FXR1: variants seen among roughly 807,000 people sequenced by gnomAD.
FXR1 encodes the protein FMR1 autosomal homolog 1.
A neutral mutation model predicts 84.0 loss-of-function variants in FXR1; 15 were observed. The ratio of observed to expected loss-of-function variants is 0.18; its 90% confidence interval spans 0.12 to 0.27. The LOEUF (loss-of-function observed/expected upper bound fraction) is 0.27. FXR1 is among the 10% of genes least tolerant of loss of function. FXR1 has a pLI of 1.00. For missense variants in FXR1, 480 were observed against 774.4 expected, an observed-to-expected ratio of 0.62 and a Z score of 4.51; for synonymous variants, 245 against 250.7, an observed-to-expected ratio of 0.98 and a Z score of 0.21.
intron 9 of FXR1, chr3:180,957,572 T>C (rs1239392637): frequency 2.9e-6 from 1 of 343,430 alleles, no homozygotes; most frequent in African/African-American, 2.1e-5. Context: ...TTTTGAGAAT[T>C]CCTTACATGT....
intron 10 of FXR1, 103 bp from the exon 11 acceptor site, chr3:180,961,365 A>G: frequency 3.7e-6 from 1 of 268,986 alleles, no homozygotes; most frequent in South Asian, 7.5e-5. Flanking sequence ...AAAAAAAAAA[A>G]AAGGTGTGTG....
intron 8 of FXR1, 83 bp from the exon 9 acceptor site, chr3:180,953,679 C>G (rs1018469872): frequency 2.9e-6 from 2 of 699,276 alleles, no homozygotes; most frequent in Non-Finnish European, 5.0e-6. Flanking sequence ...AGAATTTTCT[C>G]TTTTCTCATC....
chr3:180,961,707 T>G lies in FXR1; in HGVS notation c.1077+153T>G, dbSNP rs1385744187. Among the ~76,000 whole-genome samples the G allele has an allele frequency of 1.3e-5, 2 of 152,220 alleles. 1 individual carries two copies. Among genetic ancestry groups the G allele is most frequent in the Non-Finnish European group, 2.9e-5 (2 of 68,032 alleles). On this transcript the variant is annotated intron_variant, in intron 11 of 16. Transcript: ENST00000357559. ...TTAAATATTTTTTGTTAATTCAGCTTCAGATTTGCCATTGTTCTACATGAG... is the reference window on the plus strand; with the variant it reads ...TTAAATATTTTTTGTTAATTCAGCTGCAGATTTGCCATTGTTCTACATGAG...
intron 1 of FXR1, among the ~76,000 whole-genome samples, chr3:180,921,838 T>C (rs1481130671): frequency 6.6e-6 from 1 of 152,184 alleles, no homozygotes; most frequent in Non-Finnish European, 1.5e-5. Context: ...TATTTTTTTT[T>C]CCCCTGGTTG....
At chr3:180,947,974 A>C (rs748070428) in intron 4 of FXR1, 38 bp downstream of exon 4, 99 of 1,191,844 alleles carry the variant, frequency 8.3e-5, no homozygotes, top group Non-Finnish European at 1.2e-4. Flanking sequence ...ACTAGTTTCT[A>C]AGGAAGTACC....
chr3:180,941,060 G>A (rs1805592), intron 3 of FXR1, among the ~76,000 whole-genome samples: 2,255 of 151,976 alleles, frequency 0.015, 22 homozygotes, highest in Non-Finnish European at 0.024. Context: ...AGGCATTATG[G>A]TTATATATCT....
chr3:180,961,350 AAAAAAAAAAAAAAAAAAG>A lies in FXR1; in HGVS notation c.991-117_991-100del. ...GCAAGACGTCATCTCAAAAAAAAAAAAAAAAAAAAAAAAAAAAGGTGTGTGTGTGTGTGCCTGCCTGTC... is the reference window on the plus strand; with the variant it reads ...GCAAGACGTCATCTCAAAAAAAAAAAGTGTGTGTGTGTGTGCCTGCCTGTC... On this transcript the variant is annotated intron_variant, in intron 10 of 16. Coordinates refer to ENST00000357559, the MANE Select transcript of FXR1 (RefSeq NM_005087.4). The A allele has an allele frequency of 9.2e-6, 4 of 433,158 alleles. No individual in the cohort carries two copies. The South Asian group carries it at 1.4e-4, about 15-fold the overall frequency. The allele number at this position is 433,158 out of a possible 1,614,324, so 26.8% of individuals were successfully genotyped here.
chr3:180,976,949 A>G lies in FXR1; in HGVS notation c.*657A>G, dbSNP rs1037055409. ...TTAAAAATCAAACATAGCTTTAGTT[A>G]AAACACTAAGCTGAATTAGTCATGT... On this transcript the variant is annotated 3_prime_UTR_variant, in exon 17 of 17. Coordinates refer to ENST00000357559, the MANE Select transcript of FXR1 (RefSeq NM_005087.4). 6.6e-6 allele frequency: 1 copy of G among 152,630 alleles called. No individual in the cohort carries two copies. Among genetic ancestry groups the G allele is most frequent in the African/African-American group, 2.4e-5 (1 of 41,458 alleles). 9.5% of individuals were successfully genotyped at this position (152,630 alleles called of 1,614,324 possible). A position where few individuals can be genotyped will look rare whatever the true frequency, so the allele number is the denominator to read the frequency against.
At chr3:180,917,051 T>A (rs1426075409) in intron 1 of FXR1, among the ~76,000 whole-genome samples, 2 of 151,764 alleles carry the variant, frequency 1.3e-5, no homozygotes, top group Non-Finnish European at 2.9e-5. Context: ...GGCCAGGATG[T>A]TCTCGATCTC....
chr3:180,953,887 G>C, intron 9 of FXR1, 47 bp downstream of exon 9: 1 of 932,108 alleles, frequency 1.1e-6, no homozygotes. Flanking sequence ...ACATTATTTA[G>C]TTACATATAG....
chr3:180,975,444 T>C, intron 16 of FXR1, 40 bp downstream of exon 16: 1 of 761,752 alleles, frequency 1.3e-6, no homozygotes, highest in Non-Finnish European at 2.2e-6. Context: ...TTTTTTTTAA[T>C]TTTTGGTATG....
chr3:180,944,864 C>G (rs1721532230), intron 3 of FXR1, among the ~76,000 whole-genome samples: 1 of 152,244 alleles, frequency 6.6e-6, no homozygotes, highest in Non-Finnish European at 1.5e-5. Flanking sequence ...CCAAAGTGAT[C>G]TGCCCACCTC....
intron 1 of FXR1, among the ~76,000 whole-genome samples, chr3:180,930,459 T>A (rs1232123565): frequency 6.6e-6 from 1 of 152,192 alleles, no homozygotes; most frequent in Admixed American, 6.5e-5. Flanking sequence ...TGAAAGTTCC[T>A]AGTGATTTAG....
chr3:180,921,913 T>A (rs1718641574), intron 1 of FXR1, among the ~76,000 whole-genome samples: 1 of 152,320 alleles, frequency 6.6e-6, no homozygotes, highest in Non-Finnish European at 1.5e-5. Flanking sequence ...GTAGCACATA[T>A]ACGTGGTTCC....
At chr3:180,921,410 G>A (rs1210203001) in intron 1 of FXR1, among the ~76,000 whole-genome samples, 1 of 151,556 alleles carries the variant, frequency 6.6e-6, no homozygotes, top group Non-Finnish European at 1.5e-5. Flanking sequence ...TTATTGTAAT[G>A]TATAATGTAA....
chr3:180,951,325 C>A lies in FXR1; in HGVS notation c.658C>A (p.His220Asn), dbSNP rs764264412. 1 of 1,606,608 alleles carries A rather than the reference C, an allele frequency of 6.2e-7. No homozygotes were observed. The highest frequency in any genetic ancestry group is 8.5e-7 in the Non-Finnish European group (1 of 1,174,258). Residue 220 changes from histidine (H) to asparagine (N), a missense_variant, in exon 8 of 17, where the codon CAT (histidine) becomes AAT (asparagine). By Grantham distance (68) the His-to-Asn change is moderately conservative. Around this residue, in one of 6 missense-constraint regions of FXR1, gnomAD observed 136 missense variants for 315.4 expected, o/e 0.43. Coordinates refer to ENST00000357559, the MANE Select transcript of FXR1 (RefSeq NM_005087.4). Reference protein sequence around the residue: ...ECTKQLAAAFHEEFVVREDLM... With the variant: ...ECTKQLAAAFNEEFVVREDLM... Reference sequence around the variant, plus strand: ...CACAAAACAACTTGCAGCAGCTTTTCATGAGGAATTTGTTGTGAGAGAAGA... The same window carrying A: ...CACAAAACAACTTGCAGCAGCTTTTAATGAGGAATTTGTTGTGAGAGAAGA...
intron 9 of FXR1, among the ~76,000 whole-genome samples, chr3:180,956,014 G>T (rs1722710172): frequency 6.6e-6 from 1 of 152,136 alleles, no homozygotes; most frequent in Admixed American, 6.5e-5. Flanking sequence ...TAAAAATACA[G>T]TGTTTCCCTC....
intron 1 of FXR1, among the ~76,000 whole-genome samples, chr3:180,913,899 G>T (rs1717555183): frequency 6.6e-6 from 1 of 152,094 alleles, no homozygotes; most frequent in Non-Finnish European, 1.5e-5. Flanking sequence ...TCATTTCAGC[G>T]TACCTTTTAT....
chr3:180,933,021 A>G (rs1720112310), intron 1 of FXR1: 2 of 262,440 alleles, frequency 7.6e-6, no homozygotes, highest in Non-Finnish European at 1.4e-5. Context: ...ACAGTAGTAA[A>G]TACTGAACTC....
Sources: allele counts gnomAD v4.1 joint callset (sites outside exome capture counted in the v4.1 genomes callset), GRCh38; gene constraint gnomAD v4.1.1; regional missense constraint gnomAD v4.1.1; transcripts MANE v1.5; gene names NCBI Gene and HGNC (gene_info 2026-07-23, HGNC 2026-07-21).